The following TENM3 variants were observed in gnomAD, a reference collection of about 807,000 sequenced individuals.
TENM3 encodes teneurin-3.
Under a neutral mutation model 255.1 loss-of-function variants are expected in TENM3, and 63 were observed. The observed-to-expected ratio is 0.25, with a 90% CI of 0.20 to 0.30. TENM3 has a LOEUF of 0.30. TENM3 is among the 10% of genes least tolerant of loss of function. The probability of loss-of-function intolerance (pLI) is 1.00; values close to 1 mark genes in which losing one functional copy is unlikely to be tolerated. For missense variants in TENM3, 2,929 were observed against 3,461.1 expected, an observed-to-expected ratio of 0.85 and a Z score of 3.86; for synonymous variants, 1,306 against 1,322.3, an observed-to-expected ratio of 0.99 and a Z score of 0.27.
At chr4:182,417,127 C>T (rs980295065) in intron 3 of TENM3, among the ~76,000 whole-genome samples, 3 of 152,070 alleles carry the variant, frequency 2.0e-5, no homozygotes, top group Non-Finnish European at 2.9e-5. Context: ...GCGCCTGCCA[C>T]CACGCCCAGC....
At chr4:181,933,000 A>T in the TENM3 span, among the ~76,000 whole-genome samples, 1 of 152,008 alleles carries the variant, frequency 6.6e-6, no homozygotes, top group African/African-American at 2.4e-5. Context: ...AGCATAACAC[A>T]CTGGGGCCTC....
chr4:182,277,460 A>G (rs1036777254), intron 1 of TENM3, among the ~76,000 whole-genome samples: 1 of 152,192 alleles, frequency 6.6e-6, no homozygotes, highest in Admixed American at 6.5e-5. Flanking sequence ...AAGCAAAATT[A>G]TACACTACAT....
chr4:182,101,131 G>A, the TENM3 span, among the ~76,000 whole-genome samples: 1 of 93,782 alleles, frequency 1.1e-5, no homozygotes, highest in East Asian at 3.9e-4. Context: ...AGGAAAGAAG[G>A]AAGGAAGGAA....
the TENM3 span, among the ~76,000 whole-genome samples, chr4:181,694,262 C>G: frequency 6.6e-6 from 1 of 152,200 alleles, no homozygotes; most frequent in Admixed American, 6.5e-5. Flanking sequence ...GGCTCCAGGT[C>G]TGCTGCTGGC....
At chr4:181,693,042 G>T in the TENM3 span, among the ~76,000 whole-genome samples, 3 of 152,140 alleles carry the variant, frequency 2.0e-5, no homozygotes, top group Non-Finnish European at 2.9e-5. Context: ...TAGTCAAAGA[G>T]TCAGGCTGTG....
upstream of TENM3, among the ~76,000 whole-genome samples, chr4:182,243,145 G>C (rs572817099): frequency 6.6e-6 from 1 of 152,078 alleles, no homozygotes; most frequent in African/African-American, 2.4e-5. Flanking sequence ...ACAGAGTTTC[G>C]CTCTTGTCGC....
At chr4:182,696,198 C>G (rs547987478) in intron 12 of TENM3, among the ~76,000 whole-genome samples, 3 of 152,202 alleles carry the variant, frequency 2.0e-5, no homozygotes, top group African/African-American at 7.2e-5. Flanking sequence ...AGTAACGGCA[C>G]AAATTTACAT....
chr4:181,630,751 C>T, the TENM3 span, among the ~76,000 whole-genome samples: 1 of 152,110 alleles, frequency 6.6e-6, no homozygotes, highest in Non-Finnish European at 1.5e-5. Flanking sequence ...GAGTGCTTTA[C>T]CTCCATCTAT....
intron 19 of TENM3, chr4:182,744,093 CTT>C (rs957977132): frequency 0.027 from 12,185 of 447,012 alleles, 2 homozygotes; most frequent in South Asian, 0.034. Flanking sequence ...ACTGTGCTTT[CTT>C]TTTTTTTTTT....
chr4:182,491,402 T>TGTGTGTGC (rs1735285169), intron 3 of TENM3, among the ~76,000 whole-genome samples: 1 of 152,100 alleles, frequency 6.6e-6, no homozygotes, highest in Non-Finnish European at 1.5e-5. Flanking sequence ...TGTGTGTGTG[T>TGTGTGTGC]GTGTCTTTTG....
chr4:181,720,856 C>T, the TENM3 span, among the ~76,000 whole-genome samples: 1 of 152,078 alleles, frequency 6.6e-6, no homozygotes, highest in African/African-American at 2.4e-5. Context: ...GAGTCATAAA[C>T]TAATTCTGAA....
At chr4:182,062,415 G>T in the TENM3 span, among the ~76,000 whole-genome samples, 2 of 152,214 alleles carry the variant, frequency 1.3e-5, no homozygotes, top group Admixed American at 6.5e-5. Context: ...CCATCAATGC[G>T]TCTCCACATT....
chr4:182,454,973 A>T (rs1054681238), intron 3 of TENM3, among the ~76,000 whole-genome samples: 6 of 152,234 alleles, frequency 3.9e-5, no homozygotes, highest in African/African-American at 4.8e-5. Context: ...CTTTTGTTAC[A>T]ATTAATGGGA....
chr4:181,922,467 G>T, the TENM3 span, among the ~76,000 whole-genome samples: 1 of 152,150 alleles, frequency 6.6e-6, no homozygotes, highest in Non-Finnish European at 1.5e-5. Context: ...TCTTGGGAGG[G>T]TGTATGTGTT....
At chr4:181,694,784 C>T in the TENM3 span, among the ~76,000 whole-genome samples, 3 of 152,302 alleles carry the variant, frequency 2.0e-5, no homozygotes, top group Admixed American at 6.5e-5. Context: ...CTCCCTTATT[C>T]GGTTCTTTTA....
chr4:181,515,159 T>C, the TENM3 span, among the ~76,000 whole-genome samples: 5 of 152,216 alleles, frequency 3.3e-5, no homozygotes, highest in Admixed American at 3.3e-4. Context: ...TACAACAAAG[T>C]GTATGAAAAA....
the TENM3 span, among the ~76,000 whole-genome samples, chr4:181,718,789 T>A: frequency 1.3e-5 from 2 of 152,210 alleles, no homozygotes; most frequent in African/African-American, 4.8e-5. Context: ...AGGATTAGTT[T>A]TGCTTTTCAT....
the TENM3 span, among the ~76,000 whole-genome samples, chr4:182,129,712 T>C: frequency 6.6e-6 from 1 of 152,320 alleles, no homozygotes; most frequent in Admixed American, 6.5e-5. Context: ...GTTTTCCATC[T>C]TACACTGATT....
intron 1 of TENM3, among the ~76,000 whole-genome samples, chr4:182,178,073 C>A (rs983450081): frequency 6.6e-6 from 1 of 151,228 alleles, no homozygotes; most frequent in Admixed American, 6.6e-5. Flanking sequence ...ACCCCCTAGC[C>A]CCTGCAGGAT....
Sources: gnomAD v4.1 joint callset for allele counts (sites outside exome capture counted in the v4.1 genomes callset) on GRCh38, gnomAD v4.1.1 for gene constraint, MANE v1.5 for transcripts, NCBI Gene and HGNC (gene_info 2026-07-23, HGNC 2026-07-21) for gene names.